Variants in ENAH observed in about 807,000 individuals in gnomAD.
ENAH encodes protein enabled homolog.
ENAH carries 23 observed loss-of-function variants against 78.7 expected under a neutral mutation model. The ratio of observed to expected loss-of-function variants is 0.29; its 90% CI spans 0.21 to 0.41. ENAH has a LOEUF of 0.41. Among genes scored for constraint, ENAH ranks in the 10% least tolerant of loss-of-function variants. The pLI is 1.00. For synonymous variants in ENAH, 226 were observed against 241.0 expected (o/e 0.94, Z 0.58); for missense variants, 544 against 691.0 (o/e 0.79, Z 2.39).
intron 3 of ENAH, among the ~76,000 whole-genome samples, chr1:225,545,166 A>G (rs1174079727): frequency 6.6e-6 from 1 of 152,236 alleles, no homozygotes; most frequent in Non-Finnish European, 1.5e-5. Context: ...GTTCTCTGTT[A>G]CAGGCAAAGC....
intron 8 of ENAH, 37 bp downstream of exon 8, chr1:225,512,834 C>T (rs763909644): frequency 6.2e-7 from 1 of 1,609,378 alleles, no homozygotes; most frequent in Non-Finnish European, 8.5e-7. Flanking sequence ...AAAATCCTCT[C>T]AATTCTGGGC....
intron 5 of ENAH, chr1:225,517,998 G>T: frequency 6.5e-7 from 1 of 1,535,518 alleles, no homozygotes; most frequent in South Asian, 1.2e-5. Context: ...GAGCTGGACA[G>T]AAGGTGGAAA....
chr1:225,647,101 C>G lies in ENAH; in HGVS notation c.5+5585G>C, dbSNP rs193158370. ...ATTAGCTGGGCGTGGTGGCACGCGCCTGTAGTCTCAGCTACTCGGGAGGCT... is the reference window on the plus strand; with the variant it reads ...ATTAGCTGGGCGTGGTGGCACGCGCGTGTAGTCTCAGCTACTCGGGAGGCT... On this transcript the variant is annotated intron_variant, in intron 1 of 13. Transcript: ENST00000366843. 6.0e-3 allele frequency among the ~76,000 whole-genome samples: 911 copies of G among 152,190 alleles called. 29 individuals are homozygous for G. Among genetic ancestry groups the G allele is most frequent in the Admixed American group, 0.052 (797 of 15,294 alleles).
intron 1 of ENAH, among the ~76,000 whole-genome samples, chr1:225,609,656 AT>A (rs59508510): frequency 2.6e-3 from 199 of 76,494 alleles, no homozygotes; most frequent in African/African-American, 5.8e-3. Context: ...GGAAAAATGG[AT>A]TTTTTTTTTT....
chr1:225,626,414 G>A (rs1377641989), intron 1 of ENAH, among the ~76,000 whole-genome samples: 1 of 152,202 alleles, frequency 6.6e-6, no homozygotes. Context: ...TTGCAAGGTG[G>A]GGCCTTTGGG....
intron 11 of ENAH, among the ~76,000 whole-genome samples, chr1:225,507,118 A>G (rs1036452271): frequency 6.6e-6 from 1 of 152,168 alleles, no homozygotes; most frequent in Non-Finnish European, 1.5e-5. Flanking sequence ...TAAAGGAAGA[A>G]CAAATTTGCC....
rs1432224341 is a variant in ENAH at position 225,653,097 on chromosome 1, A to C, written c.-407T>G. ...GCCGCCGAGGCCGTGTGCAACCGGCAGCTGCTGCAGCCGCGGGAGGAGAGT... is the reference window on the plus strand; with the variant it reads ...GCCGCCGAGGCCGTGTGCAACCGGCCGCTGCTGCAGCCGCGGGAGGAGAGT... On this transcript the variant is annotated 5_prime_UTR_variant, in exon 1 of 14. Coordinates refer to ENST00000366843, the MANE Select transcript of ENAH (RefSeq NM_018212.6). This position sits in a 1 kb window ranked among gnomAD's most constrained non-coding sequence, Gnocchi z 4.3. 1 of 152,532 alleles carries C rather than the reference A, an allele frequency of 6.6e-6. No homozygotes were observed. Among genetic ancestry groups the C allele is most frequent in the Non-Finnish European group, 1.5e-5 (1 of 68,378 alleles). The allele number at this position is 152,532 out of a possible 1,614,324, so 9.4% of individuals were successfully genotyped here.
intron 1 of ENAH, among the ~76,000 whole-genome samples, chr1:225,637,247 G>A (rs1660227121): frequency 6.6e-6 from 1 of 151,980 alleles, no homozygotes; most frequent in African/African-American, 2.4e-5. Context: ...TCACTCTGTC[G>A]CCCAGGCTGG....
chr1:225,517,920 T>C (rs1168204551), intron 5 of ENAH: 1 of 1,550,172 alleles, frequency 6.5e-7, no homozygotes, highest in African/African-American at 1.4e-5. Flanking sequence ...ATGGAGGAGG[T>C]GCTGAAGGAG....
intron 10 of ENAH, among the ~76,000 whole-genome samples, chr1:225,510,855 T>G (rs1377980566): frequency 6.6e-6 from 1 of 151,432 alleles, no homozygotes; most frequent in Non-Finnish European, 1.5e-5. Context: ...CTACCAAAAA[T>G]CCAAACAATT....
At chr1:225,592,368 G>C (rs531866246) in intron 1 of ENAH, among the ~76,000 whole-genome samples, 55 of 152,284 alleles carry the variant, frequency 3.6e-4, no homozygotes, top group African/African-American at 1.3e-3. Context: ...TCCAGCAAGT[G>C]AGCCTGGTGA....
intron 1 of ENAH, among the ~76,000 whole-genome samples, chr1:225,589,346 G>T (rs149847560): frequency 6.6e-6 from 1 of 152,084 alleles, no homozygotes; most frequent in Non-Finnish European, 1.5e-5. Context: ...CCTAGGTAAC[G>T]ATATAAATAC....
intron 1 of ENAH, among the ~76,000 whole-genome samples, chr1:225,596,480 A>G (rs762363751): frequency 2.8e-4 from 43 of 152,302 alleles, no homozygotes; most frequent in Middle Eastern, 3.4e-3. Context: ...GGAGGACCAC[A>G]TATAGCCATA....
chr1:225,632,709 T>C (rs1227871583), intron 1 of ENAH, among the ~76,000 whole-genome samples: 2 of 152,266 alleles, frequency 1.3e-5, no homozygotes, highest in East Asian at 3.8e-4. Context: ...AAGGCTGGCA[T>C]CTTTGGATTA....
intron 2 of ENAH, among the ~76,000 whole-genome samples, chr1:225,566,354 T>TA (rs1011228101): frequency 2.0e-5 from 3 of 152,160 alleles, no homozygotes; most frequent in African/African-American, 7.2e-5. Flanking sequence ...TGACAAATCT[T>TA]ACCAATCCAT....
intron 12 of ENAH, among the ~76,000 whole-genome samples, chr1:225,499,665 C>G (rs890660809): frequency 1.3e-5 from 2 of 152,116 alleles, no homozygotes; most frequent in Non-Finnish European, 2.9e-5. Flanking sequence ...GAGTGAGACT[C>G]TGTCTCAAAA....
At chr1:225,645,135 A>T (rs1036869432) in intron 1 of ENAH, among the ~76,000 whole-genome samples, 17 of 152,190 alleles carry the variant, frequency 1.1e-4, no homozygotes, top group African/African-American at 4.1e-4. Flanking sequence ...TCTATCTTCA[A>T]TCTCTCTTCT....
chr1:225,498,222 G>C, intron 13 of ENAH, 125 bp downstream of exon 13: 1 of 736,738 alleles, frequency 1.4e-6, no homozygotes, highest in South Asian at 1.7e-5. Context: ...AATCCTAAAA[G>C]GGCAGGACTA....
intron 1 of ENAH, among the ~76,000 whole-genome samples, chr1:225,583,452 A>AGAG (rs1424175086): frequency 1.3e-5 from 2 of 148,948 alleles, no homozygotes; most frequent in African/African-American, 2.4e-5. Flanking sequence ...AAAAAAAAAA[A>AGAG]AGAGAGAGAG....
Sources: allele counts gnomAD v4.1 joint callset (sites outside exome capture counted in the v4.1 genomes callset), GRCh38; gene constraint gnomAD v4.1.1; non-coding constraint Gnocchi (gnomAD v3.1); transcripts MANE v1.5; gene names NCBI Gene and HGNC (gene_info 2026-07-23, HGNC 2026-07-21).